The following BPIFA2 variants were observed in gnomAD, a reference collection of about 807,000 sequenced individuals.
BPIFA2 encodes BPI fold-containing family A member 2.
In BPIFA2, 20 loss-of-function variants were observed where a neutral mutation model predicts 25.7. That is an observed-to-expected ratio of 0.78 (90% CI 0.55 to 1.13). The LOEUF (loss-of-function observed/expected upper bound fraction) is 1.13, where lower values mean the gene tolerates loss of function less well. Ranked by LOEUF, BPIFA2 falls within the 50% of genes most tolerant of loss-of-function variation. The pLI is 0.00. For synonymous variants in BPIFA2, 126 were observed against 124.3 expected, an observed-to-expected ratio of 1.01 and a Z score of -0.09; for missense variants, 300 against 298.1, an observed-to-expected ratio of 1.01 and a Z score of -0.05.
At chr20:33,177,577 C>G (rs1018116939) in intron 5 of BPIFA2, among the ~76,000 whole-genome samples, 1 of 152,186 alleles carries the variant, frequency 6.6e-6, no homozygotes, top group Admixed American at 6.5e-5. Context: ...GGATCCAATC[C>G]AACCCAAATT....
Position 33,169,040 on chromosome 20 carries a change from G to C in BPIFA2, c.-15-91G>C, listed in dbSNP as rs560298485. On this transcript the variant is annotated intron_variant, in intron 1 of 8. Transcript: ENST00000354932. ...GGAAATAACCACATCTATCTTAATG[G>C]AATGCTAAATGTTAAGAGTGATGGG... 1.7e-5 allele frequency: 20 copies of C among 1,153,712 alleles called. No individual in the cohort carries two copies. The East Asian group carries it at 4.7e-4, about 27-fold the overall frequency. 71.5% of individuals were successfully genotyped at this position (1,153,712 alleles called of 1,614,324 possible).
At chr20:33,162,877 T>C (rs1051720572) in intron 1 of BPIFA2, among the ~76,000 whole-genome samples, 1 of 152,192 alleles carries the variant, frequency 6.6e-6, no homozygotes, top group Non-Finnish European at 1.5e-5. Context: ...ACTCCCAAAG[T>C]GCTAACTTCG....
At chr20:33,179,823 G>C (rs1984212993) in intron 7 of BPIFA2, among the ~76,000 whole-genome samples, 156 bp downstream of exon 7, 2 of 152,196 alleles carry the variant, frequency 1.3e-5, no homozygotes, top group Admixed American at 6.5e-5. Flanking sequence ...GCACCCGGGG[G>C]CTCCCTTTGG....
intron 1 of BPIFA2, among the ~76,000 whole-genome samples, chr20:33,168,789 T>C (rs1190683809): frequency 6.6e-6 from 1 of 152,114 alleles, no homozygotes; most frequent in Admixed American, 6.6e-5. Context: ...GGGCCTACAG[T>C]AGGCTTCACA....
At chr20:33,163,100 A>G (rs1400206191) in intron 1 of BPIFA2, among the ~76,000 whole-genome samples, 1 of 152,222 alleles carries the variant, frequency 6.6e-6, no homozygotes, top group Non-Finnish European at 1.5e-5. Context: ...TGTGGGGCCC[A>G]GAGCCCCACA....
intron 3 of BPIFA2, among the ~76,000 whole-genome samples, 171 bp from the exon 4 acceptor site, chr20:33,173,906 AGT>A (rs1458804661): frequency 2.6e-5 from 4 of 152,168 alleles, no homozygotes; most frequent in African/African-American, 9.7e-5. Flanking sequence ...CCTGAGCCTC[AGT>A]GTGCTGTGCC....
chr20:33,164,618 C>A (rs1983672294), upstream of BPIFA2, among the ~76,000 whole-genome samples: 1 of 151,618 alleles, frequency 6.6e-6, no homozygotes, highest in African/African-American at 2.4e-5. Context: ...TTCTTCCCTC[C>A]CTCCTTCCCT....
At chr20:33,163,911 C>T (rs1983648277), upstream of BPIFA2, among the ~76,000 whole-genome samples, 1 of 152,078 alleles carries the variant, frequency 6.6e-6, no homozygotes. Context: ...AGGTGTGTGA[C>T]CTTAGGCAGT....
chr20:33,176,338 C>T (rs564457161), intron 5 of BPIFA2, among the ~76,000 whole-genome samples: 1 of 152,156 alleles, frequency 6.6e-6, no homozygotes, highest in South Asian at 2.1e-4. Flanking sequence ...TGATGCTGGC[C>T]GATGGCTGGG....
intron 8 of BPIFA2, among the ~76,000 whole-genome samples, chr20:33,180,841 C>T (rs1424095110): frequency 6.6e-6 from 1 of 152,160 alleles, no homozygotes; most frequent in Non-Finnish European, 1.5e-5. Context: ...AGCTTTGATG[C>T]CAGTTATTGA....
intron 2 of BPIFA2, among the ~76,000 whole-genome samples, chr20:33,172,605 C>T (rs1424298670): frequency 2.0e-5 from 3 of 152,128 alleles, no homozygotes; most frequent in Non-Finnish European, 2.9e-5. Context: ...CTAAGTCACT[C>T]CTAGACACTG....
intron 3 of BPIFA2, among the ~76,000 whole-genome samples, 189 bp downstream of exon 3, chr20:33,173,265 G>A (rs556549761): frequency 6.6e-6 from 1 of 152,256 alleles, no homozygotes; most frequent in African/African-American, 2.4e-5. Context: ...GAGTCAATCC[G>A]GGCATCTTAT....
chr20:33,180,948 G>A (rs1984261120), intron 8 of BPIFA2, among the ~76,000 whole-genome samples: 1 of 152,214 alleles, frequency 6.6e-6, no homozygotes, highest in African/African-American at 2.4e-5. Context: ...CCTGGCTCCA[G>A]TAGTGGCCTC....
chr20:33,178,900 CG>C (rs1226505846), intron 6 of BPIFA2, among the ~76,000 whole-genome samples: 1 of 152,142 alleles, frequency 6.6e-6, no homozygotes, highest in Non-Finnish European at 1.5e-5. Context: ...TTGCAATCTG[CG>C]GGGAACTGTG....
chr20:33,180,946 C>T lies in BPIFA2; in HGVS notation c.*38-278C>T, dbSNP rs141869474. On this transcript the variant is annotated intron_variant, in intron 8 of 8. Coordinates refer to ENST00000354932, the MANE Select transcript of BPIFA2 (RefSeq NM_080574.4). Reference sequence around the variant, plus strand: ...ACATATTGGGCCCTGAACCTGGCTCCAGTAGTGGCCTCAATCAATCTTTTC... The same window carrying T: ...ACATATTGGGCCCTGAACCTGGCTCTAGTAGTGGCCTCAATCAATCTTTTC... 2.8e-4 allele frequency among the ~76,000 whole-genome samples: 43 copies of T among 152,312 alleles called. 1 individual carries two copies. The highest frequency in any genetic ancestry group is 9.9e-4 in the African/African-American group (41 of 41,572).
chr20:33,175,431 C>A lies in BPIFA2; in HGVS notation c.435C>A (p.Asn145Lys). The A allele has an allele frequency of 6.2e-7, 1 of 1,613,914 alleles. No individual in the cohort carries two copies. The highest frequency in any genetic ancestry group is 1.1e-5 in the South Asian group (1 of 91,048). ...VAGPIIGQII[N>K]LKASLDLLTA... ...GGCCCATCATTGGCCAGATTATCAA[C>A]CTGAAAGCCTCCTTGGACCTCCTGA... The change falls in exon 5 of 9, where the codon AAC (asparagine) becomes AAA (lysine). Residue 145 changes from asparagine to lysine, a missense_variant. Transcript: ENST00000354932.
At chr20:33,173,149 A>G in intron 3 of BPIFA2, 73 bp downstream of exon 3, 1 of 1,529,528 alleles carries the variant, frequency 6.5e-7, no homozygotes, top group Non-Finnish European at 8.9e-7. Context: ...AGGTAAGTTT[A>G]AGATGAAAGA....
intron 4 of BPIFA2, 50 bp from the exon 5 acceptor site, chr20:33,175,357 A>G (rs1361265543): frequency 6.4e-7 from 1 of 1,567,122 alleles, no homozygotes; most frequent in Non-Finnish European, 8.7e-7. Flanking sequence ...CAACTGGGCA[A>G]CAGGCAGGAA....
Position 33,174,170 on chromosome 20 carries a change from A to G in BPIFA2, c.394A>G (p.Asn132Asp). Residue 132 changes from asparagine (N) to aspartate (D), a missense_variant, in exon 4 of 9, where the codon AAT (asparagine) becomes GAT (aspartate). Asn to Asp is a conservative substitution (Grantham distance 23). Transcript: ENST00000354932. ...TAACCTGAGCTTCCCTGTCACCGCGAATGTCACTGTGGCCGGGTGAGTATG... is the reference window on the plus strand; with the variant it reads ...TAACCTGAGCTTCCCTGTCACCGCGGATGTCACTGTGGCCGGGTGAGTATG... ...GLNLSFPVTANVTVAGPIIGQ... is the reference protein window; with the variant it reads ...GLNLSFPVTADVTVAGPIIGQ... 6.2e-7 allele frequency: 1 copy of G among 1,614,088 alleles called. No homozygotes were observed. Among genetic ancestry groups the G allele is most frequent in the Non-Finnish European group, 8.5e-7 (1 of 1,179,970 alleles).
Sources: allele counts gnomAD v4.1 joint callset (sites outside exome capture counted in the v4.1 genomes callset), GRCh38; gene constraint gnomAD v4.1.1; transcripts MANE v1.5; gene names NCBI Gene and HGNC (gene_info 2026-07-23, HGNC 2026-07-21).